Variants in FUT9 observed in about 807,000 individuals in gnomAD.
FUT9 encodes the protein 4-galactosyl-N-acetylglucosaminide 3-alpha-L-fucosyltransferase 9.
Under a neutral mutation model 29.7 loss-of-function variants are expected in FUT9, and 15 were observed. That is an observed-to-expected ratio of 0.51 (90% CI 0.34 to 0.78). The LOEUF is 0.78. FUT9 is among the 30% of genes least tolerant of loss of function. FUT9 has a pLI of 0.01. For synonymous variants in FUT9, 169 were observed against 153.7 expected, an observed-to-expected ratio of 1.10 and a Z score of -0.74; for missense variants, 319 against 425.4, an observed-to-expected ratio of 0.75 and a Z score of 2.20.
intron 2 of FUT9, among the ~76,000 whole-genome samples, chr6:96,185,132 C>T (rs1773382455): frequency 7.2e-6 from 1 of 138,892 alleles, no homozygotes; most frequent in African/African-American, 2.6e-5. Flanking sequence ...CTCCTTCCTC[C>T]TCAACAATAT....
At chr6:96,022,576 CAG>C (rs1248900914) in intron 1 of FUT9, among the ~76,000 whole-genome samples, 9 of 151,922 alleles carry the variant, frequency 5.9e-5, no homozygotes, top group African/African-American at 1.9e-4. Context: ...GCAGATCTGG[CAG>C]AGAGTTAAAT....
chr6:96,148,726 T>C (rs575635733), intron 2 of FUT9, among the ~76,000 whole-genome samples: 81 of 152,314 alleles, frequency 5.3e-4, no homozygotes, highest in Non-Finnish European at 7.4e-4. Flanking sequence ...GCCACTCCTA[T>C]AGTAGTGTAG....
chr6:96,203,078 C>A (rs1473006803), intron 2 of FUT9, 70 bp from the exon 3 acceptor site: 3 of 1,108,504 alleles, frequency 2.7e-6, no homozygotes, highest in Non-Finnish European at 3.8e-6. Flanking sequence ...TTAAATATAT[C>A]TCCAATATAT....
rs924881885 is a variant in FUT9, at chr6:96,205,088, G to T, written c.*853G>T. 1 of 166,496 alleles carries T rather than the reference G, an allele frequency of 6.0e-6. No homozygotes were observed. The highest frequency in any genetic ancestry group is 1.5e-5 in the Non-Finnish European group (1 of 67,998). 10.3% of individuals were successfully genotyped at this position (166,496 alleles called of 1,614,324 possible). ...GATACCTATAAATATATTTATAAAT[G>T]GTGTCATTTATGAACAATGTTTAAT... On this transcript the variant is annotated 3_prime_UTR_variant, in exon 3 of 3. Transcript: ENST00000302103.
chr6:96,170,387 C>G (rs1773089735), intron 2 of FUT9, among the ~76,000 whole-genome samples: 1 of 152,100 alleles, frequency 6.6e-6, no homozygotes, highest in Non-Finnish European at 1.5e-5. Context: ...TTAATGTTAA[C>G]AGCAGGGATT....
chr6:96,124,765 C>T (rs1772101875), intron 2 of FUT9, among the ~76,000 whole-genome samples: 2 of 152,074 alleles, frequency 1.3e-5, no homozygotes, highest in Admixed American at 6.6e-5. Context: ...ATACTTCCAC[C>T]CCCATTCTTC....
chr6:96,051,660 A>T (rs1210059835), intron 1 of FUT9, among the ~76,000 whole-genome samples: 1 of 152,106 alleles, frequency 6.6e-6, no homozygotes, highest in Non-Finnish European at 1.5e-5. Context: ...CTCTAAAAAA[A>T]ATTAGTAATA....
At chr6:96,138,516 G>T (rs1562139094) in intron 2 of FUT9, among the ~76,000 whole-genome samples, 1 of 150,672 alleles carries the variant, frequency 6.6e-6, no homozygotes. Flanking sequence ...CAATTTTGCA[G>T]GGAAAGTGAA....
chr6:96,108,088 G>A (rs1158203226), intron 1 of FUT9, among the ~76,000 whole-genome samples: 1 of 151,090 alleles, frequency 6.6e-6, no homozygotes, highest in Non-Finnish European at 1.5e-5. Flanking sequence ...CTTAAGAAAT[G>A]TCCATTATTT....
intron 1 of FUT9, among the ~76,000 whole-genome samples, chr6:96,098,711 C>T (rs1771540661): frequency 6.6e-6 from 1 of 152,106 alleles, no homozygotes; most frequent in Non-Finnish European, 1.5e-5. Flanking sequence ...TACAGTGAGC[C>T]ATTAATCAAT....
intron 2 of FUT9, among the ~76,000 whole-genome samples, chr6:96,132,267 T>C (rs964211460): frequency 1.4e-4 from 15 of 105,056 alleles, no homozygotes; most frequent in African/African-American, 5.3e-4. Context: ...CTCAACATCA[T>C]TCCAGAAAAC....
chr6:96,156,896 A>G (rs1582273293), intron 2 of FUT9, among the ~76,000 whole-genome samples: 1 of 152,258 alleles, frequency 6.6e-6, no homozygotes, highest in African/African-American at 2.4e-5. Flanking sequence ...TGTACAAATT[A>G]TGACTGCCTA....
chr6:96,078,567 C>T (rs1771182635), intron 1 of FUT9, among the ~76,000 whole-genome samples: 1 of 151,570 alleles, frequency 6.6e-6, no homozygotes, highest in Non-Finnish European at 1.5e-5. Context: ...ACTACAGGCA[C>T]ATGCCACTAC....
At chr6:96,049,098 A>G (rs567598314) in intron 1 of FUT9, among the ~76,000 whole-genome samples, 1 of 152,314 alleles carries the variant, frequency 6.6e-6, no homozygotes, top group African/African-American at 2.4e-5. Context: ...AAATATGAAA[A>G]GACAAGGGAA....
At chr6:96,169,369 C>T (rs1265849985) in intron 2 of FUT9, among the ~76,000 whole-genome samples, 1 of 152,124 alleles carries the variant, frequency 6.6e-6, no homozygotes, top group Non-Finnish European at 1.5e-5. Flanking sequence ...TCAGTGAAAT[C>T]TTGCAAATAA....
intron 2 of FUT9, among the ~76,000 whole-genome samples, chr6:96,179,525 T>C (rs1773267654): frequency 6.6e-6 from 1 of 152,166 alleles, no homozygotes; most frequent in Admixed American, 6.6e-5. Flanking sequence ...ATTTATATGT[T>C]ACTTTAACAA....
rs1351199724 is a variant in FUT9 at position 96,215,268 on chromosome 6, C to T, written c.*11033C>T. On this transcript the variant is annotated 3_prime_UTR_variant, in exon 3 of 3. Transcript: ENST00000302103. ...GAGATGTCATTTGAAATTTTCTTCC[C>T]TTAAACATGCTGTCACAACATGGAT... 1 of 166,996 alleles carries T rather than the reference C, an allele frequency of 6.0e-6. No individual in the cohort carries two copies. The highest frequency in any genetic ancestry group is 1.5e-5 in the Non-Finnish European group (1 of 68,104). 10.3% of individuals were successfully genotyped at this position (166,996 alleles called of 1,614,324 possible).
intron 2 of FUT9, among the ~76,000 whole-genome samples, chr6:96,187,182 C>T (rs1214690152): frequency 6.6e-6 from 1 of 152,098 alleles, no homozygotes; most frequent in Admixed American, 6.6e-5. Context: ...GCCCTGTAAA[C>T]TGGACTAAAG....
chr6:96,079,870 A>G (rs1469324423), intron 1 of FUT9, among the ~76,000 whole-genome samples: 1 of 152,154 alleles, frequency 6.6e-6, no homozygotes, highest in Non-Finnish European at 1.5e-5. Context: ...GCTAAATTTA[A>G]TAAACTCTAA....
Sources: gnomAD v4.1 joint callset for allele counts (sites outside exome capture counted in the v4.1 genomes callset) on GRCh38, gnomAD v4.1.1 for gene constraint, MANE v1.5 for transcripts, NCBI Gene and HGNC (gene_info 2026-07-23, HGNC 2026-07-21) for gene names.